MX1: variants seen among roughly 807,000 people sequenced by gnomAD.
The protein encoded by MX1 is interferon-induced GTP-binding protein Mx1.
Under a neutral mutation model 66.4 loss-of-function variants are expected in MX1, and 66 were observed. The observed-to-expected ratio is 0.99, with a 90% CI of 0.82 to 1.22. The LOEUF (loss-of-function observed/expected upper bound fraction) is 1.22. Ranked by LOEUF, MX1 falls within the 50% of genes most tolerant of loss-of-function variation. The probability of loss-of-function intolerance (pLI) is 0.00; values close to 1 mark genes in which losing one functional copy is unlikely to be tolerated. For synonymous variants in MX1, 311 were observed against 318.1 expected (o/e 0.98, Z 0.24); for missense variants, 787 against 834.3 (o/e 0.94, Z 0.70).
At chr21:41,452,388 G>A (rs1452137520) in intron 15 of MX1, among the ~76,000 whole-genome samples, 3 of 152,168 alleles carry the variant, frequency 2.0e-5, no homozygotes, top group South Asian at 2.1e-4. Context: ...CCCAGGCCCC[G>A]GGATGGGGGT....
At chr21:41,452,561 T>C (rs1601537325) in intron 15 of MX1, 60 bp from the exon 16 acceptor site, 2 of 1,543,904 alleles carry the variant, frequency 1.3e-6, no homozygotes, top group Non-Finnish European at 1.7e-6. Flanking sequence ...TTACCTACTT[T>C]CCTGTGACTC....
chr21:41,433,751 C>T (rs1419106582), intron 5 of MX1, among the ~76,000 whole-genome samples: 3 of 152,190 alleles, frequency 2.0e-5, no homozygotes, highest in Non-Finnish European at 4.4e-5. Flanking sequence ...GTCCTAAGTA[C>T]TGGGAGTGTT....
chr21:41,430,399 G>A (rs2090180652), intron 3 of MX1, 134 bp from the exon 4 acceptor site: 1 of 149,860 alleles, frequency 6.7e-6, no homozygotes, highest in African/African-American at 2.4e-5. Flanking sequence ...ATTCTGGGAA[G>A]TCAGAATCGG....
rs1282895808 is a variant in MX1, at chr21:41,446,030, G to A, written c.1162G>A (p.Ala388Thr). 2 of 1,613,502 alleles carry A rather than the reference G, an allele frequency of 1.2e-6. No individual in the cohort carries two copies. The highest frequency in any genetic ancestry group is 1.7e-6 in the Non-Finnish European group (2 of 1,179,476). Reference sequence around the variant, plus strand: ...TAATGCCTTTAATCAGGACATCACTGCTCTCATGCAAGGAGAGGAAACTGT... The same window carrying A: ...TAATGCCTTTAATCAGGACATCACTACTCTCATGCAAGGAGAGGAAACTGT... ...KVNAFNQDIT[A>T]LMQGEETVGE... The change falls in exon 13 of 17, where the codon GCT (alanine) becomes ACT (threonine). Residue 388 changes from alanine (A) to threonine (T), a missense_variant. Transcript: ENST00000398598.
Position 41,432,694 on chromosome 21 carries a change from T to C in MX1, c.105+519T>C, listed in dbSNP as rs530937907. Among the ~76,000 whole-genome samples, 4 of 152,294 alleles carry C rather than the reference T, an allele frequency of 2.6e-5. No homozygotes were observed. The South Asian group carries it at 8.3e-4, about 32-fold the overall frequency. On this transcript the variant is annotated intron_variant, in intron 5 of 16. Coordinates refer to ENST00000398598, the MANE Select transcript of MX1 (RefSeq NM_002462.5). ...TGATTGTGGGTAGTTATTCCTCCTGTTATAAGCCTGGTTTTCCATATCTAA... is the reference window on the plus strand; with the variant it reads ...TGATTGTGGGTAGTTATTCCTCCTGCTATAAGCCTGGTTTTCCATATCTAA...
chr21:41,458,945 C>A lies in MX1; in HGVS notation c.*187C>A, dbSNP rs959409713. The stretch of plus-strand genomic sequence containing the variant: ...TGGTTTCTAGCATGAAGACAGAGCC[C>A]CACCCTCAGATGCACATGAGCTGGC... On this transcript the variant is annotated 3_prime_UTR_variant, in exon 17 of 17. Coordinates refer to ENST00000398598, the MANE Select transcript of MX1 (RefSeq NM_002462.5). The A allele has an allele frequency of 6.7e-6, 7 of 1,041,328 alleles. No homozygotes were observed. In the African/African-American group the frequency reaches 9.7e-5, roughly 14 times the overall value. The allele number at this position is 1,041,328 out of a possible 1,614,324, so 64.5% of individuals were successfully genotyped here. A position where few individuals can be genotyped will look rare whatever the true frequency, so the allele number is the denominator to read the frequency against.
At chr21:41,444,387 T>C (rs1286593416) in intron 11 of MX1, among the ~76,000 whole-genome samples, 2 of 142,536 alleles carry the variant, frequency 1.4e-5, no homozygotes, top group African/African-American at 5.3e-5. Flanking sequence ...AGTGCAGTGG[T>C]GTGATCTCAG....
At chr21:41,451,143 A>G in intron 14 of MX1, 24 bp from the exon 15 acceptor site, 1 of 1,506,054 alleles carries the variant, frequency 6.6e-7, no homozygotes, top group Non-Finnish European at 9.2e-7. Context: ...ACCAATATTG[A>G]ACTATTTTTC....
rs199543737 is a variant in MX1, at chr21:41,441,787, G to A, written c.802G>A (p.Val268Met). Residue 268 changes from valine to methionine, a missense_variant, in exon 10 of 17, where the codon GTG becomes ATG. Physicochemically the swap from Val to Met is conservative, Grantham distance 21. Coordinates refer to ENST00000398598, the MANE Select transcript of MX1 (RefSeq NM_002462.5). This position sits in a 1 kb window ranked among gnomAD's most constrained non-coding sequence, Gnocchi z 4.0. ...DKVVDVVRNL[V>M]FHLKKGYMIV... is the part of the protein sequence containing the mutation. ...GGTTGTGGACGTGGTGCGGAACCTC[G>A]TGTTCCACCTGAAGAAGGGTTACAT... 4.5e-4 allele frequency: 719 copies of A among 1,614,174 alleles called. 6 individuals are homozygous for A. The East Asian group carries it at 9.0e-3, about 20-fold the overall frequency.
rs1029820712 is a variant in MX1 at position 41,441,341 on chromosome 21, G to T, written c.730+316G>T. 11 of 432,734 alleles carry T rather than the reference G, an allele frequency of 2.5e-5. No homozygotes were observed. The highest frequency in any genetic ancestry group is 4.3e-5 in the Non-Finnish European group (10 of 232,980). 26.8% of individuals were successfully genotyped at this position (432,734 alleles called of 1,614,324 possible). A position where few individuals can be genotyped will look rare whatever the true frequency, so the allele number is the denominator to read the frequency against. ...GTTGCCTTGTAAGCCTTATCTACTT[G>T]CTCAGAAAGGCACAGTGGGCTCGGA... On this transcript the variant is annotated intron_variant, in intron 9 of 16. Coordinates refer to ENST00000398598, the MANE Select transcript of MX1 (RefSeq NM_002462.5). The surrounding 1 kb of genome is among the most constrained non-coding windows in gnomAD (Gnocchi z 4.0).
chr21:41,443,734 A>T (rs563132315), intron 10 of MX1, 54 bp from the exon 11 acceptor site: 518 of 1,555,514 alleles, frequency 3.3e-4, no homozygotes, highest in Non-Finnish European at 4.2e-4. Flanking sequence ...AAAAAGGCAG[A>T]CATGCGTGTT....
chr21:41,438,883 C>T (rs2090432420), intron 7 of MX1, among the ~76,000 whole-genome samples: 1 of 152,184 alleles, frequency 6.6e-6, no homozygotes, highest in African/African-American at 2.4e-5. Flanking sequence ...GGTGTGGCCT[C>T]TGTTTCCAAG....
In MX1 at chr21:41,457,453, G is replaced by A. The variant is rs147108986; in HGVS notation, c.1759-1075G>A. 5.9e-5 allele frequency among the ~76,000 whole-genome samples: 9 copies of A among 152,258 alleles called. No individual in the cohort carries two copies. The East Asian group carries it at 1.7e-3, about 29-fold the overall frequency. Reference sequence around the variant, plus strand: ...TAATTTCTTATTTTAACTGTTACATGATACCTTTGGCCCATTTGGAGTTCT... The same window carrying A: ...TAATTTCTTATTTTAACTGTTACATAATACCTTTGGCCCATTTGGAGTTCT... On this transcript the variant is annotated intron_variant, in intron 16 of 16. Transcript: ENST00000398598.
intron 5 of MX1, among the ~76,000 whole-genome samples, chr21:41,434,251 A>T (rs539534638): frequency 6.6e-6 from 1 of 152,330 alleles, no homozygotes; most frequent in South Asian, 2.1e-4. Flanking sequence ...GGAAAATTGC[A>T]CCCAGCTGCT....
At chr21:41,432,348 C>T (rs950733318) in intron 5 of MX1, among the ~76,000 whole-genome samples, 173 bp downstream of exon 5, 2 of 152,212 alleles carry the variant, frequency 1.3e-5, no homozygotes, top group African/African-American at 2.4e-5. Context: ...TGTATAGACT[C>T]GTTGCCTTAG....
intron 7 of MX1, among the ~76,000 whole-genome samples, chr21:41,439,370 T>A (rs2090444020): frequency 6.6e-6 from 1 of 152,204 alleles, no homozygotes; most frequent in Admixed American, 6.5e-5. Flanking sequence ...GCTAATTTCC[T>A]ACTGACATCA....
At chr21:41,440,735 G>A in intron 8 of MX1, 152 bp from the exon 9 acceptor site, 1 of 852,944 alleles carries the variant, frequency 1.2e-6, no homozygotes, top group Non-Finnish European at 1.9e-6. Context: ...CTCCAGGGTT[G>A]TGTTTGTGGG....
chr21:41,434,107 C>T (rs1042110263), intron 5 of MX1, among the ~76,000 whole-genome samples: 1 of 152,174 alleles, frequency 6.6e-6, no homozygotes, highest in African/African-American at 2.4e-5. Context: ...AGCTTCTTGT[C>T]CTGTTATAAA....
intron 7 of MX1, among the ~76,000 whole-genome samples, chr21:41,437,610 T>C (rs1601491732): frequency 6.6e-6 from 1 of 152,210 alleles, no homozygotes; most frequent in African/African-American, 2.4e-5. Context: ...TACGGCACTC[T>C]AGCCTGACAA....
Sources: allele counts gnomAD v4.1 joint callset (sites outside exome capture counted in the v4.1 genomes callset), GRCh38; gene constraint gnomAD v4.1.1; non-coding constraint Gnocchi (gnomAD v3.1); transcripts MANE v1.5; gene names NCBI Gene and HGNC (gene_info 2026-07-23, HGNC 2026-07-21).